The following RPLP2 variants were observed in gnomAD, a reference collection of about 807,000 sequenced individuals.
RPLP2 encodes the protein ribosomal protein lateral stalk subunit P2.
A neutral mutation model predicts 11.5 loss-of-function variants in RPLP2; 1 was observed. The observed-to-expected ratio is 0.09, with a 90% CI of 0.03 to 0.41. The LOEUF (loss-of-function observed/expected upper bound fraction) is 0.41, where lower values mean the gene tolerates loss of function less well. RPLP2 is among the 10% of genes least tolerant of loss of function. RPLP2 has a pLI of 0.98. For missense variants in RPLP2, 177 were observed against 145.6 expected (o/e 1.22, Z -1.11); for synonymous variants, 82 against 55.9 (o/e 1.47, Z -2.08).
chr11:810,790 GGA>G (rs1866012183), intron 2 of RPLP2, among the ~76,000 whole-genome samples: 3 of 85,460 alleles, frequency 3.5e-5, no homozygotes, highest in African/African-American at 9.9e-5. Flanking sequence ...TGTCTCAAAA[GGA>G]AAAAAAAAAA....
At position 812,577 on chromosome 11, in the gene RPLP2, C is replaced by A. The variant is rs1253843319; in HGVS notation, c.215C>A (p.Ala72Asp). ...AGTGTACCTGCTGGTGGGGCTGTAG[C>A]CGTCTCTGCTGCCCCAGGCTCTGCA... is the stretch of plus-strand genomic sequence containing the variant. Reference protein sequence around the residue: ...LASVPAGGAVAVSAAPGSAAP... With the variant: ...LASVPAGGAVDVSAAPGSAAP... Residue 72 changes from alanine (A) to aspartate (D), a missense_variant, in exon 4 of 5, where the codon GCC (alanine) becomes GAC (aspartate). Physicochemically the swap from Ala to Asp is moderately radical, Grantham distance 126. Transcript: ENST00000321153. 6 of 1,609,428 alleles carry A rather than the reference C, an allele frequency of 3.7e-6. No homozygotes were observed. Among genetic ancestry groups the A allele is most frequent in the Middle Eastern group, 4.5e-4 (2 of 4,476 alleles).
chr11:810,068 C>T (rs1865974654), intron 1 of RPLP2, 29 bp downstream of exon 1: 2 of 840,428 alleles, frequency 2.4e-6, no homozygotes, highest in Non-Finnish European at 3.3e-6. Context: ...CCCGGGGTGC[C>T]GGCTGGGGAC....
chr11:810,483 T>G, intron 2 of RPLP2, 126 bp downstream of exon 2: 1 of 963,456 alleles, frequency 1.0e-6, no homozygotes, highest in Non-Finnish European at 1.5e-6. Flanking sequence ...AGTTGGCGAT[T>G]TCTTGGATAG....
Position 810,326 on chromosome 11 carries a change from G to T in RPLP2, c.92G>T (p.Gly31Val). The T allele has an allele frequency of 6.2e-7, 1 of 1,608,530 alleles. No homozygotes were observed. The highest frequency in any genetic ancestry group is 8.5e-7 in the Non-Finnish European group (1 of 1,178,086). The change falls in exon 2 of 5, where the codon GGT becomes GTT. Residue 31 changes from glycine to valine, a missense_variant. Gly to Val is a moderately radical substitution (Grantham distance 109). Transcript: ENST00000321153. ...KDIKKILDSVGIEADDDRLNK... is the reference protein window; with the variant it reads ...KDIKKILDSVVIEADDDRLNK... ...ATCAAGAAGATCTTGGACAGCGTGG[G>T]TATCGAGGCGGACGACGACCGGCTC... is the stretch of plus-strand genomic sequence containing the variant.
rs1280246750 is a variant in RPLP2 at position 810,180 on chromosome 11, C to G, written c.-1-54C>G. 4.2e-6 allele frequency: 6 copies of G among 1,439,982 alleles called. No individual in the cohort carries two copies. In the South Asian group the frequency reaches 5.5e-5, roughly 13 times the overall value. The allele number at this position is 1,439,982 out of a possible 1,614,324, so 89.2% of individuals were successfully genotyped here. The stretch of plus-strand genomic sequence containing the variant: ...CTCGCCCGGCGGCCCCGGGATGGGC[C>G]GGCAGGAGGCCGCCGGGGTAACTCC... On this transcript the variant is annotated intron_variant, in intron 1 of 4. Coordinates refer to ENST00000321153, the MANE Select transcript of RPLP2 (RefSeq NM_001004.4).
At chr11:812,706 G>A (rs376889151) in intron 4 of RPLP2, 54 bp from the exon 5 acceptor site, 37 of 1,613,028 alleles carry the variant, frequency 2.3e-5, no homozygotes, top group Non-Finnish European at 2.9e-5. Flanking sequence ...TCTTCATGGG[G>A]GGACTGGCCT....
rs571831158 is a variant in RPLP2, at chr11:809,986, A to C, written c.-55A>C. 2.5e-6 allele frequency: 1 copy of C among 406,504 alleles called. No individual in the cohort carries two copies. The highest frequency in any genetic ancestry group is 4.3e-6 in the Non-Finnish European group (1 of 234,606). 25.2% of individuals were successfully genotyped at this position (406,504 alleles called of 1,614,324 possible). On this transcript the variant is annotated 5_prime_UTR_variant, in exon 1 of 5. Coordinates refer to ENST00000321153, the MANE Select transcript of RPLP2 (RefSeq NM_001004.4). ...CGCCTTCCTTTTCCTCCCTGTCGCC[A>C]CCGAGGTCGCACGCGTGAGACTTCT... is the stretch of plus-strand genomic sequence containing the variant.
At chr11:810,919 A>G (rs1265320589) in intron 2 of RPLP2, among the ~76,000 whole-genome samples, 2 of 141,376 alleles carry the variant, frequency 1.4e-5, no homozygotes, top group African/African-American at 5.3e-5. Flanking sequence ...CGCATGGCTC[A>G]CCCGGCTTTG....
intron 2 of RPLP2, chr11:810,614 C>T (rs1386607571): frequency 2.9e-6 from 1 of 342,502 alleles, no homozygotes; most frequent in East Asian, 4.9e-5. Context: ...GTAAACATGT[C>T]GAAACCCCAT....
chr11:812,839 TCCTGCTCC>T lies in RPLP2; in HGVS notation c.*9_*16del. 2 of 1,612,730 alleles carry T rather than the reference TCCTGCTCC, an allele frequency of 1.2e-6. No individual in the cohort carries two copies. Among genetic ancestry groups the T allele is most frequent in the Non-Finnish European group, 1.7e-6 (2 of 1,179,846 alleles). The stretch of plus-strand genomic sequence containing the variant: ...TGGGATTTGGCCTTTTTGATTAAAT[TCCTGCTCC>T]CCTGCAAATAAAGCCTTTTTACACA... On this transcript the variant is annotated 3_prime_UTR_variant, in exon 5 of 5. Coordinates refer to ENST00000321153, the MANE Select transcript of RPLP2 (RefSeq NM_001004.4).
At chr11:811,387 T>G (rs544600688) in intron 2 of RPLP2, 2 of 602,514 alleles carry the variant, frequency 3.3e-6, no homozygotes, top group East Asian at 2.8e-5. Context: ...TGTGTCCTTT[T>G]GTCAGTCCTA....
At chr11:811,281 G>A (rs537769131) in intron 2 of RPLP2, 4 of 411,904 alleles carry the variant, frequency 9.7e-6, no homozygotes, top group African/African-American at 8.1e-5. Flanking sequence ...TCCTACCACT[G>A]CACTCCAGCC....
At chr11:810,733 C>T (rs1382745710) in intron 2 of RPLP2, among the ~76,000 whole-genome samples, 1 of 149,752 alleles carries the variant, frequency 6.7e-6, no homozygotes, top group Admixed American at 6.7e-5. Context: ...ATGGAGGTTG[C>T]ACGGATCGTG....
rs761783386 is a variant in RPLP2 at position 812,519 on chromosome 11, T to A, written c.173-16T>A. ...GCTGGGCAGCTGCTCTGGTCTCACC[T>A]CTCTGCTTTCTGTAGGTATTGGCAA... On this transcript the variant is annotated splice_polypyrimidine_tract_variant and intron_variant, in intron 3 of 4. Transcript: ENST00000321153. 6.2e-7 allele frequency: 1 copy of A among 1,608,456 alleles called. No homozygotes were observed. The highest frequency in any genetic ancestry group is 1.7e-5 in the Admixed American group (1 of 60,014).
intron 4 of RPLP2, 59 bp from the exon 5 acceptor site, chr11:812,701 A>G (rs1176740606): frequency 6.2e-7 from 1 of 1,612,968 alleles, no homozygotes. Flanking sequence ...TGGGGTCTTC[A>G]TGGGGGGACT....
In RPLP2 at chr11:812,832, A is replaced by G. The variant is rs201156556; in HGVS notation, c.344A>G (p.Asp115Gly). 2 of 1,612,972 alleles carry G rather than the reference A, an allele frequency of 1.2e-6. No individual in the cohort carries two copies. Among genetic ancestry groups the G allele is most frequent in the Non-Finnish European group, 8.5e-7 (1 of 1,179,938 alleles). ...SDDDMGFGLF[D>G] Reference sequence around the variant, plus strand: ...GATGACATGGGATTTGGCCTTTTTGATTAAATTCCTGCTCCCCTGCAAATA... The same window carrying G: ...GATGACATGGGATTTGGCCTTTTTGGTTAAATTCCTGCTCCCCTGCAAATA... The change falls in exon 5 of 5, where the codon GAT becomes GGT. Residue 115 changes from aspartate to glycine, a missense_variant. Asp to Gly is a moderately conservative substitution (Grantham distance 94). Transcript: ENST00000321153.
intron 3 of RPLP2, 22 bp from the exon 4 acceptor site, chr11:812,513 C>G (rs1354561346): frequency 1.9e-6 from 3 of 1,608,008 alleles, no homozygotes; most frequent in Admixed American, 1.7e-5. Context: ...CTGCTCTGGT[C>G]TCACCTCTCT....
chr11:811,778 TC>T, intron 3 of RPLP2, 133 bp downstream of exon 3: 1 of 1,094,584 alleles, frequency 9.1e-7, no homozygotes, highest in Non-Finnish European at 1.4e-6. Flanking sequence ...TGAGCAGGGC[TC>T]CAGTGGGCTC....
At position 812,621 on chromosome 11, in the gene RPLP2, G is replaced by C. The variant is rs1345885962; in HGVS notation, c.259G>C (p.Ala87Pro). Residue 87 changes from alanine (A) to proline (P), a missense_variant, in exon 4 of 5, where the codon GCC (alanine) becomes CCC (proline). By Grantham distance (27) the Ala-to-Pro change is conservative. Coordinates refer to ENST00000321153, the MANE Select transcript of RPLP2 (RefSeq NM_001004.4). ...CTCTGCAGCCCCTGCTGCTGGTTCT[G>C]CCCCTGCTGCAGGTAAGTGGTGGCC... Reference protein sequence around the residue: ...PGSAAPAAGSAPAAAEEKKDE... With the variant: ...PGSAAPAAGSPPAAAEEKKDE... The C allele has an allele frequency of 1.9e-6, 3 of 1,609,900 alleles. No homozygotes were observed. The highest frequency in any genetic ancestry group is 2.5e-6 in the Non-Finnish European group (3 of 1,179,944).
Sources: allele counts gnomAD v4.1 joint callset (sites outside exome capture counted in the v4.1 genomes callset), GRCh38; gene constraint gnomAD v4.1.1; transcripts MANE v1.5; gene names NCBI Gene and HGNC (gene_info 2026-07-23, HGNC 2026-07-21).